The following GPR160 variants were observed in gnomAD, a reference collection of about 807,000 sequenced individuals.
The protein encoded by GPR160 is probable G protein-coupled receptor 160.
GPR160 carries 2 observed loss-of-function variants against 2.6 expected under a neutral mutation model. The observed-to-expected ratio is 0.77, with a 90% CI of 0.32 to 2.44. The LOEUF (loss-of-function observed/expected upper bound fraction) is 2.44, where lower values mean the gene tolerates loss of function less well. Ranked by LOEUF, GPR160 falls within the 30% of genes most tolerant of loss-of-function variation. The pLI is 0.11. For synonymous variants in GPR160, 130 were observed against 132.2 expected, an observed-to-expected ratio of 0.98 and a Z score of 0.12; for missense variants, 351 against 383.6, an observed-to-expected ratio of 0.91 and a Z score of 0.71.
Position 170,062,924 on chromosome 3 carries a change from C to T in GPR160, c.-192-16850C>T, listed in dbSNP as rs2270441. On this transcript the variant is annotated intron_variant, in intron 2 of 3. Coordinates refer to ENST00000355897, the MANE Select transcript of GPR160 (RefSeq NM_014373.3). ...CCGGGGCGCCTTTGTGGTAGAAAAG[C>T]ACCGGAGCCTCACGGAGATCACCGA... The T allele has an allele frequency of 4.6e-3, 1,621 of 350,754 alleles. 69 individuals are homozygous for T. The East Asian group carries it at 0.09, about 19-fold the overall frequency. The allele number at this position is 350,754 out of a possible 1,614,324, so 21.7% of individuals were successfully genotyped here.
At chr3:170,073,940 G>A (rs1005212933) in intron 2 of GPR160, among the ~76,000 whole-genome samples, 5 of 138,432 alleles carry the variant, frequency 3.6e-5, no homozygotes, top group African/African-American at 1.3e-4. Context: ...CCAGGCTGGA[G>A]TGCAGTGGCA....
chr3:170,055,279 G>A (rs1406311399), intron 2 of GPR160, among the ~76,000 whole-genome samples: 1 of 152,186 alleles, frequency 6.6e-6, no homozygotes, highest in Non-Finnish European at 1.5e-5. Context: ...ACTGGACCCC[G>A]GCTGATTGGG....
intron 2 of GPR160, among the ~76,000 whole-genome samples, chr3:170,064,164 A>G (rs1350028212): frequency 2.0e-5 from 3 of 152,198 alleles, no homozygotes; most frequent in Non-Finnish European, 4.4e-5. Context: ...AATCAAAATT[A>G]GAGATTTGTA....
At chr3:170,060,955 C>T (rs1711908906) in intron 2 of GPR160, among the ~76,000 whole-genome samples, 1 of 151,940 alleles carries the variant, frequency 6.6e-6, no homozygotes, top group African/African-American at 2.4e-5. Context: ...TGATATTTTA[C>T]AAGATAACTG....
chr3:170,059,257 C>G (rs1033235411), intron 2 of GPR160, among the ~76,000 whole-genome samples: 1 of 151,916 alleles, frequency 6.6e-6, no homozygotes, highest in Non-Finnish European at 1.5e-5. Context: ...ATAATGAAAA[C>G]AAAGGAAATC....
intron 2 of GPR160, among the ~76,000 whole-genome samples, chr3:170,039,579 G>C (rs1446738236): frequency 2.0e-5 from 3 of 152,134 alleles, no homozygotes; most frequent in African/African-American, 7.2e-5. Flanking sequence ...GTGGTGACAC[G>C]CGCCTGTAAT....
At chr3:170,046,137 C>G (rs1716710478) in intron 2 of GPR160, among the ~76,000 whole-genome samples, 1 of 152,188 alleles carries the variant, frequency 6.6e-6, no homozygotes, top group African/African-American at 2.4e-5. Context: ...AGAAATGCAT[C>G]TGAGCTCTGA....
chr3:170,066,914 C>A (rs887826656), intron 2 of GPR160, among the ~76,000 whole-genome samples: 2 of 152,188 alleles, frequency 1.3e-5, no homozygotes, highest in Non-Finnish European at 2.9e-5. Flanking sequence ...ATTCCACAGC[C>A]TCACTAGAGA....
intron 2 of GPR160, among the ~76,000 whole-genome samples, chr3:170,059,976 A>G (rs1711857844): frequency 6.6e-6 from 1 of 152,176 alleles, no homozygotes; most frequent in Non-Finnish European, 1.5e-5. Context: ...AAGGTGAGGA[A>G]GACTCCTGAG....
Position 170,049,578 on chromosome 3 carries a change from T to G in GPR160, c.-193+10535T>G, listed in dbSNP as rs561209679. On this transcript the variant is annotated intron_variant, in intron 2 of 3. Coordinates refer to ENST00000355897, the MANE Select transcript of GPR160 (RefSeq NM_014373.3). ...CCTGACATGGTGCCCTCCCAGACAC[T>G]GGGTAGTGTGGTCTGTAGACAGACT... Among the ~76,000 whole-genome samples the G allele has an allele frequency of 9.9e-5, 15 of 152,264 alleles. No homozygotes were observed. In the South Asian group the frequency reaches 3.1e-3, roughly 32 times the overall value.
At chr3:170,081,330 T>G (rs1393197902) in intron 3 of GPR160, among the ~76,000 whole-genome samples, 4 of 152,132 alleles carry the variant, frequency 2.6e-5, no homozygotes, top group African/African-American at 9.7e-5. Context: ...GAATGCAACT[T>G]TTTTGGATAA....
chr3:170,084,768 A>C lies in GPR160; in HGVS notation c.796A>C (p.Lys266Gln), dbSNP rs775559956. Residue 266 changes from lysine to glutamine, a missense_variant, in exon 4 of 4, where the codon AAA (lysine) becomes CAA (glutamine). By Grantham distance (53) the Lys-to-Gln change is moderately conservative. Transcript: ENST00000355897. Reference sequence around the variant, plus strand: ...ACTTCAGGTAATCATTGTTTTACTTAAAGTTCAGATTCCAGCATATATTGA... The same window carrying C: ...ACTTCAGGTAATCATTGTTTTACTTCAAGTTCAGATTCCAGCATATATTGA... Reference protein sequence around the residue: ...VLLQVIIVLLKVQIPAYIEMN... With the variant: ...VLLQVIIVLLQVQIPAYIEMN... The C allele has an allele frequency of 2.5e-6, 4 of 1,607,302 alleles. No individual in the cohort carries two copies. The highest frequency in any genetic ancestry group is 2.2e-5 in the South Asian group (2 of 90,794).
At position 170,085,106 on chromosome 3, in the gene GPR160, A is replaced by C; in HGVS notation, c.*117A>C. 2.0e-6 allele frequency: 1 copy of C among 490,930 alleles called. No individual in the cohort carries two copies. The highest frequency in any genetic ancestry group is 3.6e-6 in the Non-Finnish European group (1 of 275,600). 30.4% of individuals were successfully genotyped at this position (490,930 alleles called of 1,614,324 possible). ...CAACTTTTGCCCCCTGACTGATAGC[A>C]TTTCAGAATGTGTCTTTTGAAGGGC... is the stretch of plus-strand genomic sequence containing the variant. On this transcript the variant is annotated 3_prime_UTR_variant, in exon 4 of 4. Coordinates refer to ENST00000355897, the MANE Select transcript of GPR160 (RefSeq NM_014373.3).
chr3:170,076,028 TTAA>T (rs2108344213), intron 2 of GPR160, among the ~76,000 whole-genome samples: 1 of 152,356 alleles, frequency 6.6e-6, no homozygotes, highest in East Asian at 1.9e-4. Flanking sequence ...ACTAGTTGTC[TTAA>T]TAAGGAAATT....
chr3:170,071,891 T>C (rs1712614625), intron 2 of GPR160, among the ~76,000 whole-genome samples: 1 of 150,796 alleles, frequency 6.6e-6, no homozygotes, highest in Admixed American at 6.6e-5. Flanking sequence ...TTTTTGAGGC[T>C]TTTTTTTTGA....
chr3:170,048,556 A>G (rs1422128198), intron 2 of GPR160, among the ~76,000 whole-genome samples: 3 of 152,206 alleles, frequency 2.0e-5, no homozygotes, highest in East Asian at 3.8e-4. Flanking sequence ...TTGATGTTGT[A>G]CATCATTCCA....
chr3:170,052,522 A>T (rs1408188563), intron 2 of GPR160, among the ~76,000 whole-genome samples: 1 of 152,092 alleles, frequency 6.6e-6, no homozygotes, highest in Non-Finnish European at 1.5e-5. Flanking sequence ...CCATTTGTAC[A>T]TATTCTTTTT....
intron 2 of GPR160, among the ~76,000 whole-genome samples, chr3:170,069,861 C>T (rs1388659794): frequency 6.6e-6 from 1 of 152,126 alleles, no homozygotes; most frequent in Non-Finnish European, 1.5e-5. Context: ...GAAACAACAG[C>T]TCTGGGGGCT....
chr3:170,065,075 G>A (rs1048158275), intron 2 of GPR160, among the ~76,000 whole-genome samples: 1 of 152,124 alleles, frequency 6.6e-6, no homozygotes, highest in African/African-American at 2.4e-5. Flanking sequence ...CCTGTTTGTG[G>A]TTTAGCTTTG....
Sources: allele counts gnomAD v4.1 joint callset (sites outside exome capture counted in the v4.1 genomes callset), GRCh38; gene constraint gnomAD v4.1.1; transcripts MANE v1.5; gene names NCBI Gene and HGNC (gene_info 2026-07-23, HGNC 2026-07-21).